Variants in ZNF529 observed in about 807,000 individuals in gnomAD.
ZNF529 encodes zinc finger protein 529.
In ZNF529, 11 loss-of-function variants were observed where a neutral mutation model predicts 10.1. That is an observed-to-expected ratio of 1.09 (90% CI 0.69 to 1.81). The LOEUF is 1.81. Ranked by LOEUF, ZNF529 falls within the 40% of genes most tolerant of loss-of-function variation. ZNF529 has a pLI of 0.00. For synonymous variants in ZNF529, 204 were observed against 215.7 expected, an observed-to-expected ratio of 0.95 and a Z score of 0.47; for missense variants, 624 against 666.8, an observed-to-expected ratio of 0.94 and a Z score of 0.71.
chr19:36,548,443 TAAAG>T (rs769012189), intron 4 of ZNF529, 121 bp from the exon 5 acceptor site: 138 of 945,916 alleles, frequency 1.5e-4, no homozygotes, highest in Non-Finnish European at 1.9e-4. Context: ...TCATGAAAGA[TAAAG>T]AGAGCTCACA....
chr19:36,603,724 T>C (rs192393888), intron 1 of ZNF529, among the ~76,000 whole-genome samples: 177 of 152,324 alleles, frequency 1.2e-3, no homozygotes, highest in Admixed American at 2.7e-3. Flanking sequence ...GATGGAAGTA[T>C]GAGAAAGACT....
rs369074531 is a variant in ZNF529 at position 36,545,994 on chromosome 19, CTATA to C, written c.*868_*871del. On this transcript the variant is annotated 3_prime_UTR_variant, in exon 5 of 5. Coordinates refer to ENST00000591340, the MANE Select transcript of ZNF529 (RefSeq NM_020951.5). ...TATTCCAATATAACACACATACACA[CTATA>C]TATATATAGTGCCCAGTATATAGTG... 1 of 149,112 alleles carries C rather than the reference CTATA, an allele frequency of 6.7e-6. No individual in the cohort carries two copies. Among genetic ancestry groups the C allele is most frequent in the African/African-American group, 2.5e-5 (1 of 40,668 alleles). 9.2% of individuals were successfully genotyped at this position (149,112 alleles called of 1,614,324 possible).
chr19:36,560,040 CCT>C (rs1314601806), intron 2 of ZNF529, among the ~76,000 whole-genome samples: 1 of 151,942 alleles, frequency 6.6e-6, no homozygotes, highest in Non-Finnish European at 1.5e-5. Flanking sequence ...GGGAGGATCC[CCT>C]GAGGTTGGGA....
chr19:36,563,198 G>C (rs2035774171), intron 2 of ZNF529, among the ~76,000 whole-genome samples: 1 of 152,076 alleles, frequency 6.6e-6, no homozygotes, highest in African/African-American at 2.4e-5. Flanking sequence ...GAGGCAGGTG[G>C]ATCATGAGGT....
intron 2 of ZNF529, among the ~76,000 whole-genome samples, chr19:36,563,701 C>A (rs2035798265): frequency 6.6e-6 from 1 of 152,044 alleles, no homozygotes; most frequent in Non-Finnish European, 1.5e-5. Flanking sequence ...CCATACTGCC[C>A]AAGGCAATTT....
At chr19:36,585,783 A>C (rs1455309194) in intron 2 of ZNF529, among the ~76,000 whole-genome samples, 1 of 152,208 alleles carries the variant, frequency 6.6e-6, no homozygotes, top group African/African-American at 2.4e-5. Flanking sequence ...GATGGAAGAT[A>C]ATGAGGGGAC....
intron 2 of ZNF529, among the ~76,000 whole-genome samples, chr19:36,583,165 C>A (rs1024753369): frequency 6.6e-6 from 1 of 152,060 alleles, no homozygotes; most frequent in African/African-American, 2.4e-5. Flanking sequence ...TCAAGTGATT[C>A]TTCTGTCTCA....
chr19:36,591,450 T>A (rs575101387), intron 1 of ZNF529, among the ~76,000 whole-genome samples: 9 of 152,154 alleles, frequency 5.9e-5, no homozygotes, highest in African/African-American at 2.2e-4. Flanking sequence ...CCAGACGCAG[T>A]GGCTCACACC....
At chr19:36,591,544 C>T (rs2036715418) in intron 1 of ZNF529, among the ~76,000 whole-genome samples, 1 of 151,022 alleles carries the variant, frequency 6.6e-6, no homozygotes, top group Non-Finnish European at 1.5e-5. Flanking sequence ...ATGGTGAAAC[C>T]CCGTCTCTAC....
chr19:36,566,897 G>C (rs1039874338), intron 2 of ZNF529, among the ~76,000 whole-genome samples: 1 of 151,860 alleles, frequency 6.6e-6, no homozygotes, highest in African/African-American at 2.4e-5. Flanking sequence ...GCAGGCACCT[G>C]TAGTCTCAGC....
chr19:36,571,118 A>C (rs1287787731), intron 2 of ZNF529, among the ~76,000 whole-genome samples: 6 of 152,240 alleles, frequency 3.9e-5, no homozygotes, highest in Non-Finnish European at 1.5e-5. Flanking sequence ...ATACAAAAGC[A>C]ATATAAATGT....
rs1217775908 is a variant in ZNF529, at chr19:36,545,689, C to CT, written c.*1176dup. 6.6e-6 allele frequency: 1 copy of CT among 151,674 alleles called. No homozygotes were observed. Among genetic ancestry groups the CT allele is most frequent in the African/African-American group, 2.4e-5 (1 of 41,242 alleles). The allele number at this position is 151,674 out of a possible 1,614,324, so 9.4% of individuals were successfully genotyped here. The stretch of plus-strand genomic sequence containing the variant: ...AATGCCCAAACCTAGTAAGTCAACT[C>CT]TGAGAGGGAATAAAAAGAAAAATAA... On this transcript the variant is annotated 3_prime_UTR_variant, in exon 5 of 5. Coordinates refer to ENST00000591340, the MANE Select transcript of ZNF529 (RefSeq NM_020951.5).
rs561945578 is a variant in ZNF529 at position 36,562,929 on chromosome 19, T to C, written c.15-6732A>G. 7.9e-5 allele frequency among the ~76,000 whole-genome samples: 12 copies of C among 152,158 alleles called. No homozygotes were observed. The South Asian group carries it at 1.4e-3, about 18-fold the overall frequency. ...TACAGCCTTCATAAAAGAGGCTCAA[T>C]GCAGACTTCCTTGTCCTCCCTTTTG... On this transcript the variant is annotated intron_variant, in intron 2 of 4. Transcript: ENST00000591340.
At chr19:36,591,630 C>A (rs1044862066) in intron 1 of ZNF529, among the ~76,000 whole-genome samples, 4 of 151,570 alleles carry the variant, frequency 2.6e-5, no homozygotes, top group African/African-American at 9.7e-5. Flanking sequence ...GAGGCTGAGG[C>A]TGGATAATGG....
chr19:36,544,854 T>A lies in ZNF529; in HGVS notation c.*2012A>T, dbSNP rs1364748175. 6.6e-6 allele frequency: 1 copy of A among 152,194 alleles called. No individual in the cohort carries two copies. Among genetic ancestry groups the A allele is most frequent in the African/African-American group, 2.4e-5 (1 of 41,442 alleles). 9.4% of individuals were successfully genotyped at this position (152,194 alleles called of 1,614,324 possible). ...GAGTACATAAATTCTGGGAAAGACA[T>A]CAGTTTCAAAAATTAAAATGTAATG... On this transcript the variant is annotated 3_prime_UTR_variant, in exon 5 of 5. Coordinates refer to ENST00000591340, the MANE Select transcript of ZNF529 (RefSeq NM_020951.5).
At chr19:36,584,138 GA>G (rs1781670682) in intron 2 of ZNF529, among the ~76,000 whole-genome samples, 1 of 151,962 alleles carries the variant, frequency 6.6e-6, no homozygotes, top group Admixed American at 6.6e-5. Context: ...AAGAAAAACA[GA>G]AAAGACATGC....
upstream of ZNF529, among the ~76,000 whole-genome samples, chr19:36,574,205 T>TA (rs961211931): frequency 1.3e-5 from 2 of 152,190 alleles, no homozygotes; most frequent in African/African-American, 4.8e-5. Context: ...CAAATACATG[T>TA]AAAATGTACA....
chr19:36,557,215 C>T (rs3096616), intron 2 of ZNF529, among the ~76,000 whole-genome samples: 37,531 of 152,028 alleles, frequency 0.25, 4,828 homozygotes, highest in South Asian at 0.43. Context: ...TATCATCTAA[C>T]GCTGTCTGTA....
In ZNF529 at chr19:36,546,061, G is replaced by GTATATATATATATATATATATA. The variant is rs10593037; in HGVS notation, c.*804_*805insTATATATATATATATATATATA. On this transcript the variant is annotated 3_prime_UTR_variant, in exon 5 of 5. Coordinates refer to ENST00000591340, the MANE Select transcript of ZNF529 (RefSeq NM_020951.5). ...ATACATATATTGTGTGTGTGTGTGTGTATATATATATATATATATAGTGTG... is the reference window on the plus strand; with the variant it reads ...ATACATATATTGTGTGTGTGTGTGTGTATATATATATATATATATATATATATATATATATATATATAGTGTG... 91 of 130,104 alleles carry GTATATATATATATATATATATA rather than the reference G, an allele frequency of 7.0e-4. No individual in the cohort carries two copies. The highest frequency in any genetic ancestry group is 4.0e-3 in the Middle Eastern group (1 of 250). The allele number at this position is 130,104 out of a possible 1,614,324, so 8.1% of individuals were successfully genotyped here.
Sources: allele counts gnomAD v4.1 joint callset (sites outside exome capture counted in the v4.1 genomes callset), GRCh38; gene constraint gnomAD v4.1.1; transcripts MANE v1.5; gene names NCBI Gene and HGNC (gene_info 2026-07-23, HGNC 2026-07-21).